ZFP1: variants seen among roughly 807,000 people sequenced by gnomAD.
ZFP1 encodes the protein zinc finger protein 1 homolog.
In ZFP1, 32 loss-of-function variants were observed where a neutral mutation model predicts 38.5. That is an observed-to-expected ratio of 0.83 (90% confidence interval 0.63 to 1.12). The LOEUF (loss-of-function observed/expected upper bound fraction) is 1.12, where lower values mean the gene tolerates loss of function less well. Ranked by LOEUF, ZFP1 falls within the 50% of genes most tolerant of loss-of-function variation. The pLI, the probability that ZFP1 is intolerant of heterozygous loss-of-function variation, is 0.00. For missense variants in ZFP1, 616 were observed against 480.8 expected, an observed-to-expected ratio of 1.28 and a Z score of -2.63; for synonymous variants, 245 against 168.8, an observed-to-expected ratio of 1.45 and a Z score of -3.50.
rs1315483334 is a variant in ZFP1, at chr16:75,161,786, T to A, written c.16-4984T>A. Among the ~76,000 whole-genome samples, 63 of 27,112 alleles carry A rather than the reference T, an allele frequency of 2.3e-3. 5 individuals are homozygous for A. In the South Asian group the frequency reaches 0.079, roughly 34 times the overall value. The allele number at this position is 27,112 out of a possible 152,430, so 17.8% of individuals were successfully genotyped here. A position where few individuals can be genotyped will look rare whatever the true frequency, so the allele number is the denominator to read the frequency against. ...TATATATATATATATTTTTTTTTTTTTTTTTTTTTTTTTTCCTGAGATGGA... is the reference window on the plus strand; with the variant it reads ...TATATATATATATATTTTTTTTTTTATTTTTTTTTTTTTTCCTGAGATGGA... On this transcript the variant is annotated intron_variant, in intron 2 of 3. Coordinates refer to ENST00000570010, the MANE Select transcript of ZFP1 (RefSeq NM_153688.4).
At chr16:75,164,811 T>TA (rs1555523836) in intron 2 of ZFP1, among the ~76,000 whole-genome samples, 3 of 34,766 alleles carry the variant, frequency 8.6e-5, no homozygotes, top group Non-Finnish European at 1.5e-4. Flanking sequence ...TTCCATAAGT[T>TA]TTTTTTTTTT....
At position 75,170,585 on chromosome 16, in the gene ZFP1, T is replaced by G; in HGVS notation, c.*251T>G. On this transcript the variant is annotated 3_prime_UTR_variant, in exon 4 of 4. Coordinates refer to ENST00000570010, the MANE Select transcript of ZFP1 (RefSeq NM_153688.4). ...CCCAGTTGTACTACAATGAGCTTTT[T>G]AAAATCTTGAATGAATTGAGTATTC... The G allele has an allele frequency of 2.4e-6, 1 of 414,394 alleles. No individual in the cohort carries two copies. Among genetic ancestry groups the G allele is most frequent in the Non-Finnish European group, 4.1e-6 (1 of 245,382 alleles). The allele number at this position is 414,394 out of a possible 1,614,324, so 25.7% of individuals were successfully genotyped here.
chr16:75,169,334 A>G lies in ZFP1; in HGVS notation c.224A>G (p.Asn75Ser), dbSNP rs918624676. 6 of 1,614,150 alleles carry G rather than the reference A, an allele frequency of 3.7e-6. No individual in the cohort carries two copies. Among genetic ancestry groups the G allele is most frequent in the East Asian group, 4.5e-5 (2 of 44,876 alleles). Reference protein sequence around the residue: ...EQARQFLILKNQTPIEERGDL... With the variant: ...EQARQFLILKSQTPIEERGDL... ...GCGAGGCAATTTTTAATTCTTAAGA[A>G]CCAAACCCCAATTGAGGAAAGAGGC... is the stretch of plus-strand genomic sequence containing the variant. The change falls in exon 4 of 4, where the codon AAC becomes AGC. Residue 75 changes from asparagine to serine, a missense_variant. Asn to Ser is a conservative substitution (Grantham distance 46). Coordinates refer to ENST00000570010, the MANE Select transcript of ZFP1 (RefSeq NM_153688.4).
chr16:75,161,052 T>C (rs992732962), intron 2 of ZFP1, among the ~76,000 whole-genome samples: 2 of 150,966 alleles, frequency 1.3e-5, no homozygotes, highest in Non-Finnish European at 2.9e-5. Context: ...AACACCAGTT[T>C]GTATTTTTTT....
chr16:75,136,989 T>G, the ZFP1 span, among the ~76,000 whole-genome samples: 4 of 152,132 alleles, frequency 2.6e-5, no homozygotes, highest in Non-Finnish European at 5.9e-5. Flanking sequence ...AAAATAATAA[T>G]AATACCCTAA....
the ZFP1 span, among the ~76,000 whole-genome samples, chr16:75,123,117 G>A: frequency 2.6e-5 from 4 of 151,890 alleles, no homozygotes; most frequent in African/African-American, 9.7e-5. Context: ...ACTTGGGGAG[G>A]ACAAGGCGAG....
chr16:75,165,509 C>T (rs1372890901), intron 2 of ZFP1, among the ~76,000 whole-genome samples: 1 of 151,982 alleles, frequency 6.6e-6, no homozygotes, highest in African/African-American at 2.4e-5. Flanking sequence ...ATTCTCCTGT[C>T]CCAGCCTCCC....
chr16:75,120,510 T>C, the ZFP1 span, among the ~76,000 whole-genome samples: 75 of 151,962 alleles, frequency 4.9e-4, no homozygotes, highest in Non-Finnish European at 3.1e-4. Context: ...TTTGTGGTTT[T>C]TTTTTGGGTT....
chr16:75,171,212 A>G lies in ZFP1; in HGVS notation c.*878A>G, dbSNP rs1223272575. 6.6e-6 allele frequency: 1 copy of G among 152,034 alleles called. No homozygotes were observed. Among genetic ancestry groups the G allele is most frequent in the Non-Finnish European group, 1.5e-5 (1 of 67,996 alleles). 9.4% of individuals were successfully genotyped at this position (152,034 alleles called of 1,614,324 possible). The stretch of plus-strand genomic sequence containing the variant: ...ATATTGTGTAACACAGACAGAAACC[A>G]CCTGTTTTTGTCTTTCCTTGTTTCC... On this transcript the variant is annotated 3_prime_UTR_variant, in exon 4 of 4. Transcript: ENST00000570010.
chr16:75,157,530 C>T (rs1479950693), intron 2 of ZFP1, among the ~76,000 whole-genome samples: 1 of 152,068 alleles, frequency 6.6e-6, no homozygotes, highest in Non-Finnish European at 1.5e-5. Context: ...AGGTGAGAGC[C>T]ACTGCACCTG....
At chr16:75,145,529 A>G (rs1186619544), upstream of ZFP1, among the ~76,000 whole-genome samples, 1 of 152,082 alleles carries the variant, frequency 6.6e-6, no homozygotes, top group African/African-American at 2.4e-5. Context: ...CCTGCTCTCT[A>G]TCCTGTGCCC....
the ZFP1 span, among the ~76,000 whole-genome samples, chr16:75,124,362 G>A: frequency 1.5e-4 from 22 of 151,112 alleles, no homozygotes; most frequent in Middle Eastern, 6.9e-3. Flanking sequence ...GTTTTGCCAT[G>A]TTAGCCAGGC....
chr16:75,158,944 T>C (rs1432869945), intron 2 of ZFP1, among the ~76,000 whole-genome samples: 3 of 148,466 alleles, frequency 2.0e-5, no homozygotes, highest in African/African-American at 7.4e-5. Context: ...TTGCCCAGAC[T>C]AGAGTGCAGT....
At chr16:75,163,098 C>T (rs561466744) in intron 2 of ZFP1, among the ~76,000 whole-genome samples, 4 of 151,626 alleles carry the variant, frequency 2.6e-5, no homozygotes, top group East Asian at 2.0e-4. Flanking sequence ...TTAGTAGAGA[C>T]GGGGTTCGCC....
chr16:75,151,942 A>G (rs1597037366), intron 1 of ZFP1, among the ~76,000 whole-genome samples: 1 of 152,148 alleles, frequency 6.6e-6, no homozygotes, highest in African/African-American at 2.4e-5. Flanking sequence ...TTTTTGAAAG[A>G]TATTTTTGCT....
At chr16:75,158,446 A>AG (rs1167708667) in intron 2 of ZFP1, among the ~76,000 whole-genome samples, 3 of 151,676 alleles carry the variant, frequency 2.0e-5, no homozygotes, top group Non-Finnish European at 4.4e-5. Context: ...AGCCTCAAGC[A>AG]GTTCTCCCAC....
chr16:75,146,508 C>G (rs941247905), upstream of ZFP1, among the ~76,000 whole-genome samples: 2 of 152,084 alleles, frequency 1.3e-5, no homozygotes, highest in African/African-American at 2.4e-5. Flanking sequence ...AACTTATATC[C>G]TCACAAAACC....
intron 2 of ZFP1, among the ~76,000 whole-genome samples, chr16:75,165,145 T>A (rs1188200628): frequency 6.6e-6 from 1 of 152,152 alleles, no homozygotes; most frequent in African/African-American, 2.4e-5. Flanking sequence ...CATGCCTATT[T>A]GTTGACGTGT....
chr16:75,142,086 G>A, the ZFP1 span, among the ~76,000 whole-genome samples: 2 of 150,086 alleles, frequency 1.3e-5, no homozygotes, highest in South Asian at 2.1e-4. Context: ...GGCTGGGCGC[G>A]GTGGCTCATA....
Sources: gnomAD v4.1 joint callset for allele counts (sites outside exome capture counted in the v4.1 genomes callset) on GRCh38, gnomAD v4.1.1 for gene constraint, MANE v1.5 for transcripts, NCBI Gene and HGNC (gene_info 2026-07-23, HGNC 2026-07-21) for gene names.